The following SHPRH variants were observed in gnomAD, a reference collection of about 807,000 sequenced individuals.
SHPRH encodes SNF2 histone linker PHD RING helicase, also known as E3 ubiquitin-protein ligase SHPRH.
SHPRH carries 106 observed loss-of-function variants against 202.5 expected under a neutral mutation model. The observed-to-expected ratio is 0.52, with a 90% CI of 0.45 to 0.62. The LOEUF (loss-of-function observed/expected upper bound fraction) is 0.62, where lower values mean the gene tolerates loss of function less well. Ranked by LOEUF, SHPRH falls within the 20% of genes least tolerant of loss-of-function variation. SHPRH has a pLI of 0.00. For synonymous variants in SHPRH, 729 were observed against 686.0 expected (o/e 1.06, Z -0.98); for missense variants, 1,710 against 2,020.0 (o/e 0.85, Z 2.94).
chr6:145,937,717 C>T (rs1293347562), intron 11 of SHPRH, among the ~76,000 whole-genome samples: 3 of 152,202 alleles, frequency 2.0e-5, no homozygotes, highest in Non-Finnish European at 2.9e-5. Context: ...CATCATCTCC[C>T]TAGCTCTTTA....
intron 11 of SHPRH, among the ~76,000 whole-genome samples, chr6:145,937,709 T>A (rs1203772633): frequency 6.6e-6 from 1 of 152,196 alleles, no homozygotes; most frequent in Non-Finnish European, 1.5e-5. Context: ...CTATCCACCA[T>A]CATCTCCCTA....
downstream of SHPRH, chr6:145,884,188 T>C (rs1780798898): frequency 6.6e-6 from 1 of 152,206 alleles, no homozygotes; most frequent in African/African-American, 2.4e-5. Context: ...TGTTGAATTA[T>C]CATGTTAAGA....
chr6:145,873,453 T>G (rs780930258), intron 2 of SHPRH, among the ~76,000 whole-genome samples: 1 of 152,174 alleles, frequency 6.6e-6, no homozygotes, highest in Non-Finnish European at 1.5e-5. Flanking sequence ...CAACTTCCAG[T>G]TAATAAGTTC....
intron 25 of SHPRH, among the ~76,000 whole-genome samples, chr6:145,897,827 A>G (rs1012594301): frequency 2.0e-5 from 3 of 152,154 alleles, no homozygotes; most frequent in Admixed American, 2.0e-4. Flanking sequence ...ACATACTTCA[A>G]TAAACTCTCA....
intron 25 of SHPRH, among the ~76,000 whole-genome samples, chr6:145,895,245 A>G (rs1781912957): frequency 6.6e-6 from 1 of 152,110 alleles, no homozygotes; most frequent in Admixed American, 6.6e-5. Context: ...TGAACATAGG[A>G]TCTTTTAGTT....
intron 20 of SHPRH, among the ~76,000 whole-genome samples, chr6:145,921,920 G>A (rs1260673506): frequency 2.0e-5 from 3 of 151,974 alleles, no homozygotes; most frequent in African/African-American, 7.2e-5. Flanking sequence ...ATTTGATTGT[G>A]TCATTCTTTA....
chr6:145,959,761 T>A (rs147758163), intron 1 of SHPRH, among the ~76,000 whole-genome samples: 119 of 152,336 alleles, frequency 7.8e-4, no homozygotes, highest in African/African-American at 2.7e-3. Flanking sequence ...ATCATGAGAA[T>A]TCTATTCCCT....
At chr6:145,960,740 T>G (rs1431649054) in intron 1 of SHPRH, among the ~76,000 whole-genome samples, 1 of 152,142 alleles carries the variant, frequency 6.6e-6, no homozygotes, top group African/African-American at 2.4e-5. Context: ...TACTAGAAAT[T>G]TGGCCTGTAT....
Position 145,906,313 on chromosome 6 carries a change from TCTCA to T in SHPRH, c.4515+4131_4515+4134del, listed in dbSNP as rs1228368903. Reference sequence around the variant, plus strand: ...TTGGACAGCTCATCCAAAATTCAGGTCTCACTGTTTCATCTTCTAGCATCTTTTC... The same window carrying T: ...TTGGACAGCTCATCCAAAATTCAGGTCTGTTTCATCTTCTAGCATCTTTTC... On this transcript the variant is annotated intron_variant, in intron 25 of 29. Coordinates refer to ENST00000275233, the MANE Select transcript of SHPRH (RefSeq NM_001042683.3). The T allele has an allele frequency of 2.6e-5, 4 of 152,036 alleles. 1 individual carries two copies. Among genetic ancestry groups the T allele is most frequent in the African/African-American group, 7.2e-5 (3 of 41,412 alleles). The allele number at this position is 152,036 out of a possible 1,614,324, so 9.4% of individuals were successfully genotyped here.
intron 22 of SHPRH, chr6:145,919,077 G>A (rs1466914935): frequency 6.5e-6 from 2 of 306,296 alleles, no homozygotes; most frequent in South Asian, 6.9e-5. Context: ...GCACATACAA[G>A]GTTTTAAACT....
At chr6:145,962,566 AATGTTAC>A (rs551659605) in intron 1 of SHPRH, among the ~76,000 whole-genome samples, 125 of 152,332 alleles carry the variant, frequency 8.2e-4, no homozygotes, top group Non-Finnish European at 1.5e-3. Flanking sequence ...ATAAACATAA[AATGTTAC>A]ATTACTAAGA....
At chr6:145,894,298 T>C (rs988133311) in intron 26 of SHPRH, 62 bp from the exon 27 acceptor site, 2 of 1,254,546 alleles carry the variant, frequency 1.6e-6, no homozygotes, top group Middle Eastern at 2.0e-4. Context: ...TAAGGGTATC[T>C]GAAAAGGAAA....
At chr6:145,934,877 C>G (rs1785902751) in intron 13 of SHPRH, 30 bp downstream of exon 13, 1 of 1,576,582 alleles carries the variant, frequency 6.3e-7, no homozygotes, top group Non-Finnish European at 8.6e-7. Flanking sequence ...GATATACCAA[C>G]TGCAATTAAA....
chr6:145,876,418 C>G (rs999878859), intron 2 of SHPRH, among the ~76,000 whole-genome samples: 6 of 152,264 alleles, frequency 3.9e-5, no homozygotes, highest in African/African-American at 1.4e-4. Flanking sequence ...TTCTTATAAA[C>G]AGAAATATAC....
chr6:145,914,114 A>G (rs538834118), intron 23 of SHPRH, among the ~76,000 whole-genome samples: 1 of 152,266 alleles, frequency 6.6e-6, no homozygotes, highest in South Asian at 2.1e-4. Flanking sequence ...GGCTTAAAAC[A>G]AACATATGAT....
rs1787606591 is a variant in SHPRH, at chr6:145,948,312, A to G, written c.1021T>C (p.Ser341Pro). 5.6e-6 allele frequency: 9 copies of G among 1,606,062 alleles called. No individual in the cohort carries two copies. The highest frequency in any genetic ancestry group is 7.7e-6 in the Non-Finnish European group (9 of 1,175,840). ...TTATAGTAGAGTTTCAGACCCTCAG[A>G]TGTAACAATCTCTCGCCATAAGAAG... ...LHFLWREIVT[S>P]EGLKLYYNPY... is the part of the protein sequence containing the mutation. Residue 341 changes from serine to proline, a missense_variant, in exon 5 of 30, where the codon TCT becomes CCT. By Grantham distance (74) the Ser-to-Pro change is moderately conservative. Transcript: ENST00000275233.
At chr6:145,957,259 G>C (rs970430154) in intron 1 of SHPRH, among the ~76,000 whole-genome samples, 13 of 152,124 alleles carry the variant, frequency 8.5e-5, no homozygotes, top group African/African-American at 2.9e-4. Flanking sequence ...AAAGAAAACA[G>C]AGGAGAAAAC....
At chr6:145,927,097 TTTG>T (rs1340293804) in intron 15 of SHPRH, 89 bp downstream of exon 15, 2 of 1,158,594 alleles carry the variant, frequency 1.7e-6, no homozygotes, top group African/African-American at 3.1e-5. Flanking sequence ...ATTATGACTG[TTTG>T]TTACCATTTA....
intron 2 of SHPRH, among the ~76,000 whole-genome samples, chr6:145,874,105 G>A (rs1001619763): frequency 2.6e-5 from 4 of 152,096 alleles, no homozygotes; most frequent in Non-Finnish European, 4.4e-5. Flanking sequence ...GGCTGAGGCA[G>A]GAGAATCACT....
Sources: gnomAD v4.1 joint callset for allele counts (sites outside exome capture counted in the v4.1 genomes callset) on GRCh38, gnomAD v4.1.1 for gene constraint, MANE v1.5 for transcripts, NCBI Gene and HGNC (gene_info 2026-07-23, HGNC 2026-07-21) for gene names.